Variants in SIN3A observed in about 807,000 individuals in gnomAD.
SIN3A encodes the protein paired amphipathic helix protein Sin3a.
SIN3A carries 14 observed loss-of-function variants against 146.1 expected under a neutral mutation model. That is an observed-to-expected ratio of 0.10 (90% CI 0.06 to 0.15). The LOEUF is 0.15. SIN3A is among the 10% of genes least tolerant of loss of function. SIN3A has a pLI of 1.00. For synonymous variants in SIN3A, 572 were observed against 572.0 expected, an observed-to-expected ratio of 1.00 and a Z score of 0.00; for missense variants, 1,028 against 1,576.0, an observed-to-expected ratio of 0.65 and a Z score of 5.89.
chr15:75,377,101 C>T (rs942128493), intron 19 of SIN3A, among the ~76,000 whole-genome samples: 11 of 152,106 alleles, frequency 7.2e-5, no homozygotes, highest in Admixed American at 2.0e-4. Flanking sequence ...CTGGTGGTGG[C>T]GCCAAACTGT....
intron 1 of SIN3A, among the ~76,000 whole-genome samples, chr15:75,441,711 C>T (rs1450901627): frequency 1.3e-5 from 2 of 152,068 alleles, no homozygotes; most frequent in Non-Finnish European, 2.9e-5. Flanking sequence ...TCCCTTTCTG[C>T]CCATCAAATG....
Position 75,392,813 on chromosome 15 carries a change from C to T in SIN3A, c.2280G>A (p.Arg760=). 1 of 1,602,424 alleles carries T rather than the reference C, an allele frequency of 6.2e-7. No homozygotes were observed. Among genetic ancestry groups the T allele is most frequent in the Non-Finnish European group, 8.5e-7 (1 of 1,173,776 alleles). ...CATTCTCCTCCGTAGCCTGCTCTTG[C>T]CTCTGATGGGACAGAGACACAAAAG... ...LNEIESIYDE[R]QEQATEENAG... is the part of the protein sequence containing the mutation. The change falls in exon 15 of 21, where the codon AGG becomes AGA. Residue 760 remains arginine, a splice_region_variant and synonymous_variant. Coordinates refer to ENST00000394947, the MANE Select transcript of SIN3A (RefSeq NM_001145358.2).
At chr15:75,417,868 C>A (rs2073769735) in intron 3 of SIN3A, among the ~76,000 whole-genome samples, 1 of 152,050 alleles carries the variant, frequency 6.6e-6, no homozygotes, top group South Asian at 2.1e-4. Context: ...GATTAGGGAC[C>A]TTATAAAAGG....
intron 3 of SIN3A, among the ~76,000 whole-genome samples, chr15:75,417,092 T>C (rs184339230): frequency 1.3e-5 from 2 of 150,470 alleles, no homozygotes; most frequent in East Asian, 4.1e-4. Context: ...TGAAATACCA[T>C]GACTGTTTTT....
rs201660231 is a variant in SIN3A, at chr15:75,371,986, G to A, written c.3815C>T (p.Ala1272Val). ...TCTGCTCTGGCTTTGCAGTTAAGGGGCTTTGAATACTGTGCCGTATTTGAC... is the reference window on the plus strand; with the variant it reads ...TCTGCTCTGGCTTTGCAGTTAAGGGACTTTGAATACTGTGCCGTATTTGAC... ...YRVKYGTVFK[A>V]P Residue 1272 changes from alanine to valine, a missense_variant, in exon 21 of 21, where the codon GCC becomes GTC. By Grantham distance (64) the Ala-to-Val change is moderately conservative (BLOSUM62 0). Coordinates refer to ENST00000394947, the MANE Select transcript of SIN3A (RefSeq NM_001145358.2). 1 of 1,614,020 alleles carries A rather than the reference G, an allele frequency of 6.2e-7. No homozygotes were observed. Among genetic ancestry groups the A allele is most frequent in the Non-Finnish European group, 8.5e-7 (1 of 1,179,896 alleles).
At position 75,434,674 on chromosome 15, in the gene SIN3A, C is replaced by T. The variant is rs79310580; in HGVS notation, c.-33-4266G>A. ...AAAAAAAAAAAAATAAAAGGTCAGG[C>T]GCCGTGGCTCACACTTGCAATCCTA... On this transcript the variant is annotated intron_variant, in intron 1 of 20. Transcript: ENST00000394947. Among the ~76,000 whole-genome samples, 1,250 of 149,936 alleles carry T rather than the reference C, an allele frequency of 8.3e-3. 35 individuals carry two copies. The East Asian group carries it at 0.11, about 13-fold the overall frequency.
At chr15:75,418,188 C>G (rs975693681) in intron 3 of SIN3A, among the ~76,000 whole-genome samples, 2 of 151,620 alleles carry the variant, frequency 1.3e-5, no homozygotes, top group Non-Finnish European at 2.9e-5. Context: ...CCTGCCACCA[C>G]GCCCAGCTAA....
intron 17 of SIN3A, among the ~76,000 whole-genome samples, chr15:75,382,930 C>T (rs1359339932): frequency 6.6e-6 from 1 of 152,028 alleles, no homozygotes; most frequent in Admixed American, 6.6e-5. Flanking sequence ...TAAACACACA[C>T]ACCCACACAA....
At chr15:75,442,540 G>A (rs1054852464) in intron 1 of SIN3A, among the ~76,000 whole-genome samples, 26 of 150,284 alleles carry the variant, frequency 1.7e-4, no homozygotes, top group African/African-American at 6.4e-4. Context: ...TTACTTGGGG[G>A]AACTGAAGCA....
chr15:75,381,867 A>C (rs2072978902), intron 17 of SIN3A, among the ~76,000 whole-genome samples, 162 bp from the exon 18 acceptor site: 1 of 152,174 alleles, frequency 6.6e-6, no homozygotes, highest in Non-Finnish European at 1.5e-5. Context: ...ATAAAGGCAA[A>C]AGTCTACACT....
intron 9 of SIN3A, among the ~76,000 whole-genome samples, chr15:75,402,536 T>C (rs2141460096): frequency 1.3e-5 from 2 of 152,024 alleles, no homozygotes; most frequent in Non-Finnish European, 2.9e-5. Flanking sequence ...AAAAATAAAA[T>C]AAAAACGGGG....
intron 8 of SIN3A, 69 bp from the exon 9 acceptor site, chr15:75,407,213 A>G: frequency 9.2e-7 from 1 of 1,089,658 alleles, no homozygotes; most frequent in African/African-American, 1.6e-5. Flanking sequence ...TTTTGTCTGT[A>G]TTCAATGGTT....
chr15:75,393,796 A>G (rs1595895617), intron 14 of SIN3A, among the ~76,000 whole-genome samples: 1 of 151,254 alleles, frequency 6.6e-6, no homozygotes, highest in Admixed American at 6.6e-5. Flanking sequence ...CAAAATATGG[A>G]GGATTAAGTT....
intron 16 of SIN3A, among the ~76,000 whole-genome samples, chr15:75,387,293 A>C (rs1324647735): frequency 6.6e-6 from 1 of 152,050 alleles, no homozygotes; most frequent in Non-Finnish European, 1.5e-5. Context: ...GGGAGGCTGA[A>C]GTAGGTGAAT....
intron 1 of SIN3A, among the ~76,000 whole-genome samples, chr15:75,432,184 G>A (rs1478662637): frequency 6.6e-6 from 1 of 152,194 alleles, no homozygotes; most frequent in East Asian, 1.9e-4. Flanking sequence ...ATAGATTTAT[G>A]CATGTTATTT....
At chr15:75,419,445 A>C (rs1037442151) in intron 3 of SIN3A, 1 of 152,236 alleles carries the variant, frequency 6.6e-6, no homozygotes, top group Non-Finnish European at 1.5e-5. Context: ...AACCCAAAAG[A>C]AAGCAATTAT....
chr15:75,377,635 AAAG>A (rs1318342705), intron 19 of SIN3A, among the ~76,000 whole-genome samples: 3 of 152,102 alleles, frequency 2.0e-5, no homozygotes, highest in Non-Finnish European at 4.4e-5. Flanking sequence ...AAAAAAAAAA[AAAG>A]AAAAAAAAAG....
chr15:75,396,319 C>T lies in SIN3A; in HGVS notation c.2032G>A (p.Ala678Thr), dbSNP rs1323905815. 1.9e-6 allele frequency: 3 copies of T among 1,614,192 alleles called. No individual in the cohort carries two copies. The highest frequency in any genetic ancestry group is 1.7e-5 in the Admixed American group (1 of 60,024). The change falls in exon 13 of 21, where the codon GCT becomes ACT. Residue 678 changes from alanine (A) to threonine (T), a missense_variant. Coordinates refer to ENST00000394947, the MANE Select transcript of SIN3A (RefSeq NM_001145358.2). ...ALQRIYADKA[A>T]DIIDGLRKNP... ...TTTCTCAGACCATCAATGATGTCAGCTGCTTTATCAGCATATATCCTCTGG... is the reference window on the plus strand; with the variant it reads ...TTTCTCAGACCATCAATGATGTCAGTTGCTTTATCAGCATATATCCTCTGG...
At chr15:75,405,564 A>G (rs767091982) in intron 9 of SIN3A, among the ~76,000 whole-genome samples, 38 of 152,192 alleles carry the variant, frequency 2.5e-4, no homozygotes, top group Admixed American at 1.6e-3. Context: ...CAGCCTGGCC[A>G]ACATGGTGAA....
Sources: gnomAD v4.1 joint callset for allele counts (sites outside exome capture counted in the v4.1 genomes callset) on GRCh38, gnomAD v4.1.1 for gene constraint, MANE v1.5 for transcripts, NCBI Gene and HGNC (gene_info 2026-07-23, HGNC 2026-07-21) for gene names.